ZNF782: variants seen among roughly 807,000 people sequenced by gnomAD.
ZNF782 encodes zinc finger protein 782.
In ZNF782, 12 loss-of-function variants were observed where a neutral mutation model predicts 13.0. The ratio of observed to expected loss-of-function variants is 0.92; its 90% CI spans 0.59 to 1.50. ZNF782 has a LOEUF of 1.50. ZNF782 is among the 40% of genes most tolerant of loss of function. ZNF782 has a pLI of 0.00. For synonymous variants in ZNF782, 284 were observed against 283.0 expected, an observed-to-expected ratio of 1.00 and a Z score of -0.04; for missense variants, 770 against 822.9, an observed-to-expected ratio of 0.94 and a Z score of 0.79.
chr9:96,913,297 A>C, the ZNF782 span, among the ~76,000 whole-genome samples: 1 of 152,038 alleles, frequency 6.6e-6, no homozygotes, highest in African/African-American at 2.4e-5. Context: ...TCTGGGTGAC[A>C]GAGTGAGACT....
chr9:96,859,198 T>G (rs900714651), upstream of ZNF782, among the ~76,000 whole-genome samples: 1 of 152,176 alleles, frequency 6.6e-6, no homozygotes, highest in Non-Finnish European at 1.5e-5. Flanking sequence ...AAAGGCTGTC[T>G]AAGCCACAAG....
chr9:96,859,283 G>A (rs1025126455), upstream of ZNF782, among the ~76,000 whole-genome samples: 2 of 152,208 alleles, frequency 1.3e-5, no homozygotes, highest in South Asian at 2.1e-4. Flanking sequence ...GTGACCTAGA[G>A]AAACAGCAGC....
chr9:96,912,243 C>T, the ZNF782 span, among the ~76,000 whole-genome samples: 1 of 144,112 alleles, frequency 6.9e-6, no homozygotes, highest in Non-Finnish European at 1.5e-5. Flanking sequence ...ACAGGCCAGG[C>T]GCAGTGGCTC....
the ZNF782 span, among the ~76,000 whole-genome samples, chr9:96,917,747 C>G: frequency 6.6e-6 from 1 of 151,308 alleles, no homozygotes; most frequent in South Asian, 2.1e-4. Flanking sequence ...TTTTTTTAGA[C>G]AGGGTCTCAC....
chr9:96,917,888 G>A, the ZNF782 span, among the ~76,000 whole-genome samples: 1 of 25,242 alleles, frequency 4.0e-5, no homozygotes, highest in Non-Finnish European at 8.9e-5. Context: ...CACCCTTGGC[G>A]TGTGTGTGTG....
the ZNF782 span, among the ~76,000 whole-genome samples, chr9:96,913,033 G>A: frequency 6.6e-6 from 1 of 151,608 alleles, no homozygotes; most frequent in South Asian, 2.1e-4. Flanking sequence ...TCAAACTATG[G>A]CTAGGCACGG....
chr9:96,816,949 G>C lies in ZNF782; in HGVS notation c.*974C>G, dbSNP rs1244197474. ...TACTCCTAAGTTTTATTATGTGAGG[G>C]TTGTTGAGTTTCTGTCAGTATCAAG... On this transcript the variant is annotated 3_prime_UTR_variant, in exon 6 of 6. Coordinates refer to ENST00000481138, the MANE Select transcript of ZNF782 (RefSeq NM_001001662.3). 6.6e-6 allele frequency: 1 copy of C among 152,174 alleles called. No homozygotes were observed. Among genetic ancestry groups the C allele is most frequent in the South Asian group, 2.1e-4 (1 of 4,832 alleles). The allele number at this position is 152,174 out of a possible 1,614,324, so 9.4% of individuals were successfully genotyped here. A position where few individuals can be genotyped will look rare whatever the true frequency, so the allele number is the denominator to read the frequency against.
chr9:96,868,457 G>A (rs1851787655), intron 1 of ZNF782, among the ~76,000 whole-genome samples: 1 of 152,178 alleles, frequency 6.6e-6, no homozygotes, highest in Non-Finnish European at 1.5e-5. Context: ...TCTTCATGTG[G>A]AACTGGAACA....
At chr9:96,852,141 T>A (rs1851508358) in intron 2 of ZNF782, 136 bp from the exon 3 acceptor site, 1 of 610,638 alleles carries the variant, frequency 1.6e-6, no homozygotes, top group South Asian at 2.0e-5. Context: ...TGAAAAGGCA[T>A]GAGAAGCACC....
chr9:96,903,478 T>C, the ZNF782 span, among the ~76,000 whole-genome samples: 2 of 150,946 alleles, frequency 1.3e-5, no homozygotes, highest in Non-Finnish European at 2.9e-5. Flanking sequence ...TTGGGGGTAT[T>C]ACAAACAAAG....
the ZNF782 span, chr9:96,918,900 A>C: frequency 5.2e-6 from 1 of 191,102 alleles, no homozygotes; most frequent in African/African-American, 2.4e-5. Context: ...AAGAAAGAGG[A>C]CAAGTGATAA....
intron 4 of ZNF782, among the ~76,000 whole-genome samples, chr9:96,843,761 T>G (rs1160712137): frequency 6.6e-6 from 1 of 152,192 alleles, no homozygotes; most frequent in African/African-American, 2.4e-5. Flanking sequence ...CTAATTCCCA[T>G]AAATCTATAA....
Position 96,818,764 on chromosome 9 carries a change from T to G in ZNF782, c.1259A>C (p.Lys420Thr). ...ATCACATCCATCACATTTGTATGGTTTCTCTCCCGTGTGAGTTCTCTGATG... is the reference window on the plus strand; with the variant it reads ...ATCACATCCATCACATTTGTATGGTGTCTCTCCCGTGTGAGTTCTCTGATG... The part of the protein sequence containing the change: ...RKHQRTHTGE[K>T]PYKCDGCDKA... Residue 420 changes from lysine to threonine, a missense_variant, in exon 6 of 6, where the codon AAA becomes ACA. Physicochemically the swap from Lys to Thr is moderately conservative, Grantham distance 78. Transcript: ENST00000481138. 1 of 1,613,930 alleles carries G rather than the reference T, an allele frequency of 6.2e-7. No homozygotes were observed. The highest frequency in any genetic ancestry group is 8.5e-7 in the Non-Finnish European group (1 of 1,179,966).
chr9:96,900,404 G>A, the ZNF782 span, among the ~76,000 whole-genome samples: 1 of 151,328 alleles, frequency 6.6e-6, no homozygotes, highest in South Asian at 2.1e-4. Context: ...CTGACTTATA[G>A]ACAGCAAATG....
the ZNF782 span, among the ~76,000 whole-genome samples, chr9:96,930,872 G>GTTTTTTTTTTTTTTTTTT: frequency 8.3e-5 from 6 of 72,724 alleles, no homozygotes; most frequent in African/African-American, 1.1e-4. Context: ...CCATCCAGTG[G>GTTTTTTTTTTTTTTTTTT]TTTTTTTTTT....
upstream of ZNF782, among the ~76,000 whole-genome samples, chr9:96,856,179 G>A (rs1851640420): frequency 6.6e-6 from 1 of 152,102 alleles, no homozygotes; most frequent in Admixed American, 6.6e-5. Context: ...AGATTGTGAA[G>A]ATTTTCTCCC....
downstream of ZNF782, among the ~76,000 whole-genome samples, chr9:96,816,196 G>A (rs550312082): frequency 1.4e-4 from 21 of 152,306 alleles, no homozygotes; most frequent in African/African-American, 5.1e-4. Context: ...AAAAAAGGCA[G>A]TTTAGTAACA....
In ZNF782 at chr9:96,818,684, C is replaced by T; in HGVS notation, c.1339G>A (p.Glu447Lys). The T allele has an allele frequency of 1.9e-6, 3 of 1,614,164 alleles. No homozygotes were observed. Among genetic ancestry groups the T allele is most frequent in the African/African-American group, 1.3e-5 (1 of 75,026 alleles). ...LRIHQRTHTGEKPFECHECGK... is the reference protein window; with the variant it reads ...LRIHQRTHTGKKPFECHECGK... ...CATTCATGACATTCGAATGGTTTCTCCCCTGTGTGGGTTCTCTGGTGTATT... is the reference window on the plus strand; with the variant it reads ...CATTCATGACATTCGAATGGTTTCTTCCCTGTGTGGGTTCTCTGGTGTATT... Residue 447 changes from glutamate (E) to lysine (K), a missense_variant, in exon 6 of 6, where the codon GAG becomes AAG. Physicochemically the swap from Glu to Lys is moderately conservative, Grantham distance 56. Transcript: ENST00000481138.
At chr9:96,864,076 TACAC>T (rs1198730725) in intron 1 of ZNF782, among the ~76,000 whole-genome samples, 1 of 149,852 alleles carries the variant, frequency 6.7e-6, no homozygotes, top group Non-Finnish European at 1.5e-5. Flanking sequence ...TACACATACA[TACAC>T]ACACATATAT....
Sources: allele counts gnomAD v4.1 joint callset (sites outside exome capture counted in the v4.1 genomes callset), GRCh38; gene constraint gnomAD v4.1.1; transcripts MANE v1.5; gene names NCBI Gene and HGNC (gene_info 2026-07-23, HGNC 2026-07-21).